PCDHA10: variants seen among roughly 807,000 people sequenced by gnomAD.
PCDHA10 encodes the protein protocadherin alpha 10, also known as protocadherin alpha-10.
PCDHA10 carries 45 observed loss-of-function variants against 61.2 expected under a neutral mutation model. The observed-to-expected ratio is 0.74, with a 90% CI of 0.58 to 0.94. The LOEUF (loss-of-function observed/expected upper bound fraction) is 0.94. Ranked by LOEUF, PCDHA10 falls within the 40% of genes least tolerant of loss-of-function variation. The probability of loss-of-function intolerance (pLI) is 0.00; values close to 1 mark genes in which losing one functional copy is unlikely to be tolerated. For missense variants in PCDHA10, 1,278 were observed against 1,236.2 expected (o/e 1.03, Z -0.51); for synonymous variants, 602 against 548.8 (o/e 1.10, Z -1.35).
chr5:140,927,505 G>C, intron 1 of PCDHA10: 2 of 1,614,120 alleles, frequency 1.2e-6, no homozygotes, highest in Middle Eastern at 1.6e-4. Context: ...GGTGCTTACA[G>C]CTCGGGACGG....
chr5:140,878,583 T>C (rs1355382396), intron 1 of PCDHA10, among the ~76,000 whole-genome samples: 1 of 152,236 alleles, frequency 6.6e-6, no homozygotes, highest in African/African-American at 2.4e-5. Context: ...CACTGCCCTG[T>C]GCCTATTACC....
chr5:140,928,616 G>A, intron 1 of PCDHA10: 2 of 1,614,226 alleles, frequency 1.2e-6, no homozygotes, highest in Non-Finnish European at 8.5e-7. Flanking sequence ...CGCTCTGCCA[G>A]GACTGGACAC....
chr5:140,893,528 G>C (rs541953324), intron 1 of PCDHA10, among the ~76,000 whole-genome samples: 2 of 152,254 alleles, frequency 1.3e-5, no homozygotes, highest in Admixed American at 6.5e-5. Context: ...ACTCCTTTAA[G>C]TATTTCTTGT....
Position 141,011,543 on chromosome 5 carries a change from G to T in PCDHA10, c.*1606G>T, listed in dbSNP as rs1478395558. The stretch of plus-strand genomic sequence containing the variant: ...TTTTAACCATTGTTAATCAGCTTTT[G>T]TGTATGAAAGACACAGTAAAATTTC... On this transcript the variant is annotated 3_prime_UTR_variant, in exon 4 of 4. Coordinates refer to ENST00000307360, the MANE Select transcript of PCDHA10 (RefSeq NM_018901.4). 1.3e-5 allele frequency: 2 copies of T among 153,468 alleles called. No individual in the cohort carries two copies. Among genetic ancestry groups the T allele is most frequent in the African/African-American group, 4.8e-5 (2 of 41,376 alleles). The allele number at this position is 153,468 out of a possible 1,614,324, so 9.5% of individuals were successfully genotyped here. A position where few individuals can be genotyped will look rare whatever the true frequency, so the allele number is the denominator to read the frequency against.
chr5:140,962,023 A>G (rs565113928), intron 1 of PCDHA10, among the ~76,000 whole-genome samples: 3 of 152,062 alleles, frequency 2.0e-5, no homozygotes, highest in African/African-American at 7.2e-5. Flanking sequence ...AGCTGGGACT[A>G]CAGGCACCCA....
Position 141,010,319 on chromosome 5 carries a change from C to G in PCDHA10, c.*382C>G. The G allele has an allele frequency of 6.5e-7, 1 of 1,545,436 alleles. No individual in the cohort carries two copies. Among genetic ancestry groups the G allele is most frequent in the South Asian group, 1.2e-5 (1 of 83,248 alleles). On this transcript the variant is annotated 3_prime_UTR_variant, in exon 4 of 4. Coordinates refer to ENST00000307360, the MANE Select transcript of PCDHA10 (RefSeq NM_018901.4). ...CAGGCTGAAAAGTTTTGAGATTGAG[C>G]AGCTTGGGAGTTTGTGGCCACTGGG...
At chr5:140,925,505 C>T (rs528944783) in intron 1 of PCDHA10, among the ~76,000 whole-genome samples, 5 of 151,936 alleles carry the variant, frequency 3.3e-5, no homozygotes, top group African/African-American at 4.8e-5. Context: ...CCAATATCCA[C>T]GCAAAAGACC....
chr5:140,902,225 A>G (rs1454445915), intron 1 of PCDHA10, among the ~76,000 whole-genome samples: 1 of 114,610 alleles, frequency 8.7e-6, no homozygotes, highest in African/African-American at 3.5e-5. Context: ...TTTTTTTGAG[A>G]TGAGGACTTG....
intron 1 of PCDHA10, chr5:140,882,094 C>A: frequency 2.6e-6 from 3 of 1,172,678 alleles, no homozygotes; most frequent in Non-Finnish European, 3.5e-6. Flanking sequence ...TCACTGAGAA[C>A]GTTTCCGCGA....
At chr5:140,897,120 C>G (rs116233032) in intron 1 of PCDHA10, among the ~76,000 whole-genome samples, 4 of 152,134 alleles carry the variant, frequency 2.6e-5, no homozygotes, top group African/African-American at 9.7e-5. Context: ...TCTGTCCACA[C>G]CCCACTAAAC....
At chr5:140,952,104 C>T (rs1009516552) in intron 1 of PCDHA10, among the ~76,000 whole-genome samples, 3 of 152,102 alleles carry the variant, frequency 2.0e-5, no homozygotes, top group South Asian at 2.1e-4. Flanking sequence ...AGGGCACACT[C>T]GTGTGAGGGA....
intron 3 of PCDHA10, among the ~76,000 whole-genome samples, chr5:140,996,592 C>T (rs2097733979): frequency 6.7e-6 from 1 of 149,052 alleles, no homozygotes; most frequent in African/African-American, 2.4e-5. Context: ...AGGGCCGCCT[C>T]CCCCCATTTT....
intron 1 of PCDHA10, chr5:140,860,531 T>C (rs1488177116): frequency 1.3e-5 from 2 of 152,156 alleles, no homozygotes; most frequent in Non-Finnish European, 2.9e-5. Flanking sequence ...AATTCTGATT[T>C]GTAAGACAAA....
chr5:140,874,970 G>T (rs186825854), intron 1 of PCDHA10, among the ~76,000 whole-genome samples: 6 of 152,162 alleles, frequency 3.9e-5, no homozygotes, highest in Non-Finnish European at 7.4e-5. Flanking sequence ...AAGGGGAGGG[G>T]TGCTGTATAT....
chr5:140,927,260 T>G, intron 1 of PCDHA10: 2 of 1,614,070 alleles, frequency 1.2e-6, no homozygotes, highest in Non-Finnish European at 1.7e-6. Flanking sequence ...AACTCACCTC[T>G]CTTTCCTGCC....
intron 1 of PCDHA10, among the ~76,000 whole-genome samples, chr5:140,903,428 T>C (rs954463543): frequency 2.0e-5 from 3 of 152,210 alleles, no homozygotes; most frequent in Non-Finnish European, 4.4e-5. Flanking sequence ...CAGCACAATA[T>C]GTATCAGTGG....
chr5:141,000,395 CTATA>C (rs1190667031), intron 3 of PCDHA10, among the ~76,000 whole-genome samples: 54 of 53,974 alleles, frequency 1.0e-3, no homozygotes, highest in East Asian at 2.4e-3. Context: ...CTCTCTCTCT[CTATA>C]TATATATATA....
At chr5:140,936,184 C>T (rs572832347) in intron 1 of PCDHA10, among the ~76,000 whole-genome samples, 4 of 152,308 alleles carry the variant, frequency 2.6e-5, no homozygotes, top group African/African-American at 4.8e-5. Context: ...TAAACCACCA[C>T]GCCCAGCCAA....
At position 140,924,894 on chromosome 5, in the gene PCDHA10, C is replaced by CAAAAAA. The variant is rs782133089; in HGVS notation, c.2389-54049_2389-54044dup. Among the ~76,000 whole-genome samples, 6 of 71,470 alleles carry CAAAAAA rather than the reference C, an allele frequency of 8.4e-5. No homozygotes were observed. In the East Asian group the frequency reaches 2.6e-3, roughly 31 times the overall value. 46.9% of individuals were successfully genotyped at this position (71,470 alleles called of 152,430 possible). A position where few individuals can be genotyped will look rare whatever the true frequency, so the allele number is the denominator to read the frequency against. On this transcript the variant is annotated intron_variant, in intron 1 of 3. Transcript: ENST00000307360. ...TGGGTGACAGAGCAAGAACCTGTCT[C>CAAAAAA]AAAAAAAAAAATAAAATAAAATAAA... is the stretch of plus-strand genomic sequence containing the variant.
Sources: gnomAD v4.1 joint callset for allele counts (sites outside exome capture counted in the v4.1 genomes callset) on GRCh38, gnomAD v4.1.1 for gene constraint, MANE v1.5 for transcripts, NCBI Gene and HGNC (gene_info 2026-07-23, HGNC 2026-07-21) for gene names.